KATNAL2: variants seen among roughly 807,000 people sequenced by gnomAD.
KATNAL2 encodes katanin catalytic subunit A1 like 2, also known as katanin p60 ATPase-containing subunit A-like 2.
In KATNAL2, 52 loss-of-function variants were observed where a neutral mutation model predicts 76.3. That is an observed-to-expected ratio of 0.68 (90% CI 0.55 to 0.86). The LOEUF (loss-of-function observed/expected upper bound fraction) is 0.86, where lower values mean the gene tolerates loss of function less well. Among genes scored for constraint, KATNAL2 ranks in the 40% least tolerant of loss-of-function variants. The pLI, the probability that KATNAL2 is intolerant of heterozygous loss-of-function variation, is 0.00. For synonymous variants in KATNAL2, 243 were observed against 244.2 expected, an observed-to-expected ratio of 1.00 and a Z score of 0.05; for missense variants, 660 against 668.9, an observed-to-expected ratio of 0.99 and a Z score of 0.15.
At chr18:47,032,563 A>G (rs1049372548) in intron 3 of KATNAL2, 23 of 215,260 alleles carry the variant, frequency 1.1e-4, no homozygotes, top group Non-Finnish European at 2.1e-4. Flanking sequence ...TAAAACAACA[A>G]CAACGGCAGC....
At chr18:46,943,476 A>G (rs947812959) in intron 1 of KATNAL2, among the ~76,000 whole-genome samples, 3 of 152,208 alleles carry the variant, frequency 2.0e-5, no homozygotes, top group Non-Finnish European at 2.9e-5. Flanking sequence ...TGGCGATGAG[A>G]GTGACCTCTG....
At chr18:46,920,076 G>A in intron 1 of KATNAL2, 1 of 1,289,770 alleles carries the variant, frequency 7.8e-7, no homozygotes, top group Non-Finnish European at 1.0e-6. Flanking sequence ...GTTCTTTGTA[G>A]TTGCTTCCCA....
At position 47,035,074 on chromosome 18, in the gene KATNAL2, T is replaced by C. The variant is rs145959043; in HGVS notation, c.52-11383T>C. Reference sequence around the variant, plus strand: ...CCGGGCCGCTAAGTCTCTGGCAAAGTCGCCCACGTGCTGGTGCTTCCGCAG... The same window carrying C: ...CCGGGCCGCTAAGTCTCTGGCAAAGCCGCCCACGTGCTGGTGCTTCCGCAG... On this transcript the variant is annotated intron_variant, in intron 3 of 17. Transcript: ENST00000683218. 4.3e-6 allele frequency: 7 copies of C among 1,611,252 alleles called. No homozygotes were observed. The highest frequency in any genetic ancestry group is 5.9e-6 in the Non-Finnish European group (7 of 1,179,572).
In KATNAL2 at chr18:47,102,118, A is replaced by T. The variant is rs2063447723; in HGVS notation, c.*1113A>T. On this transcript the variant is annotated 3_prime_UTR_variant, in exon 18 of 18. Transcript: ENST00000683218. The stretch of plus-strand genomic sequence containing the variant: ...TTACCCTTTTAAACAAAACCAAAGC[A>T]TTTTTTTCGGTATCGATTATTTTGA... 1.3e-5 allele frequency: 2 copies of T among 152,090 alleles called. No homozygotes were observed. Among genetic ancestry groups the T allele is most frequent in the African/African-American group, 4.8e-5 (2 of 41,416 alleles). The allele number at this position is 152,090 out of a possible 1,614,324, so 9.4% of individuals were successfully genotyped here.
At chr18:47,092,437 T>G (rs1022200764) in intron 15 of KATNAL2, among the ~76,000 whole-genome samples, 1 of 152,080 alleles carries the variant, frequency 6.6e-6, no homozygotes, top group Non-Finnish European at 1.5e-5. Context: ...AGGTAGAGGT[T>G]GCAGTGAGCC....
intron 3 of KATNAL2, chr18:47,032,424 CT>C (rs1244568614): frequency 6.0e-6 from 1 of 165,628 alleles, no homozygotes; most frequent in African/African-American, 2.4e-5. Context: ...GTTTTGATAT[CT>C]TTTGCAGAGA....
In KATNAL2 at chr18:47,069,300, A is replaced by G; in HGVS notation, c.889+17A>G. 6.3e-7 allele frequency: 1 copy of G among 1,597,974 alleles called. No individual in the cohort carries two copies. Among genetic ancestry groups the G allele is most frequent in the South Asian group, 1.1e-5 (1 of 89,988 alleles). Reference sequence around the variant, plus strand: ...GCCCTCCAGGTAAACACAGCTTCCTATTTTGATGTCAGTGTTAAGTGTGTG... The same window carrying G: ...GCCCTCCAGGTAAACACAGCTTCCTGTTTTGATGTCAGTGTTAAGTGTGTG... On this transcript the variant is annotated intron_variant, in intron 12 of 17. Transcript: ENST00000683218.
At chr18:47,094,583 A>T (rs1003960164) in intron 15 of KATNAL2, among the ~76,000 whole-genome samples, 1 of 152,210 alleles carries the variant, frequency 6.6e-6, no homozygotes, top group East Asian at 1.9e-4. Flanking sequence ...AGCTCTGTGC[A>T]TGTGGCAAAG....
intron 1 of KATNAL2, among the ~76,000 whole-genome samples, chr18:46,933,214 G>T (rs1325880605): frequency 6.6e-6 from 1 of 152,028 alleles, no homozygotes; most frequent in African/African-American, 2.4e-5. Flanking sequence ...AAAAATAGAA[G>T]CAAATATCTA....
At chr18:47,078,117 G>A (rs914888831) in intron 15 of KATNAL2, among the ~76,000 whole-genome samples, 4 of 152,186 alleles carry the variant, frequency 2.6e-5, no homozygotes, top group African/African-American at 7.2e-5. Context: ...AGGCAAAGCA[G>A]GAGACAGATA....
intron 13 of KATNAL2, among the ~76,000 whole-genome samples, chr18:47,070,225 T>C (rs188121073): frequency 1.5e-3 from 220 of 151,530 alleles, no homozygotes; most frequent in Middle Eastern, 6.8e-3. Context: ...GCCTCCCGAA[T>C]AGCTGGGATT....
chr18:47,046,613 A>C (rs1192454584), intron 4 of KATNAL2, 86 bp downstream of exon 4: 1 of 971,236 alleles, frequency 1.0e-6, no homozygotes, highest in Admixed American at 2.1e-5. Flanking sequence ...AATACAATAG[A>C]CTTTCTTGTT....
intron 4 of KATNAL2, among the ~76,000 whole-genome samples, chr18:47,048,828 C>CTTTTTTTTTTTT (rs35366730): frequency 3.9e-5 from 3 of 76,722 alleles, no homozygotes; most frequent in African/African-American, 1.1e-4. Context: ...AAGCCAGACT[C>CTTTTTTTTTTTT]TTTTTTTTTT....
chr18:47,044,410 T>C (rs1428369607), intron 3 of KATNAL2, among the ~76,000 whole-genome samples: 2 of 152,118 alleles, frequency 1.3e-5, no homozygotes, highest in African/African-American at 4.8e-5. Context: ...ATGGTGGTGA[T>C]GGTTGTACAA....
At chr18:47,056,926 A>G (rs564553014) in intron 6 of KATNAL2, among the ~76,000 whole-genome samples, 64 of 152,214 alleles carry the variant, frequency 4.2e-4, no homozygotes, top group Non-Finnish European at 7.2e-4. Flanking sequence ...TTTTCATTTC[A>G]TAGATATTTT....
At chr18:47,034,616 C>G (rs921354654) in intron 3 of KATNAL2, 2 of 1,614,136 alleles carry the variant, frequency 1.2e-6, no homozygotes, top group South Asian at 2.2e-5. Flanking sequence ...ACGGCTTTCC[C>G]CTGGGGTTGG....
intron 3 of KATNAL2, chr18:47,033,514 A>T (rs1265857754): frequency 6.2e-7 from 1 of 1,613,996 alleles, no homozygotes. Context: ...ATTCCTCCGT[A>T]ATTCGTCTGT....
At chr18:46,939,495 A>G (rs547363091) in intron 1 of KATNAL2, among the ~76,000 whole-genome samples, 2 of 152,314 alleles carry the variant, frequency 1.3e-5, no homozygotes, top group Admixed American at 1.3e-4. Context: ...CAAAACCCAT[A>G]AAGTATTCAT....
intron 1 of KATNAL2, among the ~76,000 whole-genome samples, chr18:46,925,539 T>A (rs2058701559): frequency 6.6e-6 from 1 of 152,144 alleles, no homozygotes. Context: ...TGGTCTAAAA[T>A]TCTCTTTTTT....
Sources: allele counts gnomAD v4.1 joint callset (sites outside exome capture counted in the v4.1 genomes callset), GRCh38; gene constraint gnomAD v4.1.1; transcripts MANE v1.5; gene names NCBI Gene and HGNC (gene_info 2026-07-23, HGNC 2026-07-21).